The following TEX9 variants were observed in gnomAD, a reference collection of about 807,000 sequenced individuals.
The protein encoded by TEX9 is testis-expressed protein 9.
Under a neutral mutation model 59.6 loss-of-function variants are expected in TEX9, and 74 were observed. The ratio of observed to expected loss-of-function variants is 1.24; its 90% CI spans 1.03 to 1.51. The LOEUF is 1.51. Among genes scored for constraint, TEX9 ranks in the 40% most tolerant of loss-of-function variants. The probability of loss-of-function intolerance (pLI) is 0.00; values close to 1 mark genes in which losing one functional copy is unlikely to be tolerated. For synonymous variants in TEX9, 186 were observed against 152.2 expected (o/e 1.22, Z -1.64); for missense variants, 522 against 447.8 (o/e 1.17, Z -1.49).
upstream of TEX9, among the ~76,000 whole-genome samples, chr15:56,363,255 G>A (rs1054686730): frequency 1.3e-5 from 2 of 150,302 alleles, no homozygotes; most frequent in East Asian, 2.0e-4. Context: ...TCCTCTACAC[G>A]TTATTGTCCA....
intron 1 of TEX9, among the ~76,000 whole-genome samples, chr15:56,331,311 G>A (rs2046136595): frequency 6.6e-6 from 1 of 152,132 alleles, no homozygotes; most frequent in Non-Finnish European, 1.5e-5. Context: ...ACACCTAATA[G>A]ATATTTACAG....
intron 1 of TEX9, among the ~76,000 whole-genome samples, chr15:56,270,558 G>A (rs1477925164): frequency 6.6e-6 from 1 of 152,180 alleles, no homozygotes; most frequent in African/African-American, 2.4e-5. Flanking sequence ...TGTGAATACA[G>A]CACACTGATG....
At chr15:56,385,303 A>G (rs1472598253) in intron 4 of TEX9, among the ~76,000 whole-genome samples, 1 of 152,172 alleles carries the variant, frequency 6.6e-6, no homozygotes, top group Non-Finnish European at 1.5e-5. Context: ...AAGAATTACA[A>G]GGTAAAATTG....
intron 1 of TEX9, among the ~76,000 whole-genome samples, chr15:56,344,619 AGAATTGTTCACTTTAAATGG>A (rs1279199215): frequency 6.6e-6 from 1 of 152,140 alleles, no homozygotes; most frequent in Non-Finnish European, 1.5e-5. Context: ...GAAAAACCAC[AGAATTGTTCACTTTAAATGG>A]GTGAATTGTG....
intron 1 of TEX9, among the ~76,000 whole-genome samples, chr15:56,349,204 A>G (rs1376253387): frequency 6.6e-6 from 1 of 152,134 alleles, no homozygotes; most frequent in Non-Finnish European, 1.5e-5. Flanking sequence ...TGTATCTTAG[A>G]TAATATGAAT....
chr15:56,449,535 TGA>T (rs879753700), downstream of TEX9, among the ~76,000 whole-genome samples: 3 of 152,218 alleles, frequency 2.0e-5, no homozygotes, highest in Non-Finnish European at 4.4e-5. Context: ...GCTAAATTCA[TGA>T]GAGAGATTAG....
At chr15:56,429,159 A>T in intron 12 of TEX9, 2 of 1,602,482 alleles carry the variant, frequency 1.2e-6, no homozygotes, top group Non-Finnish European at 8.5e-7. Context: ...CTCTTCACCA[A>T]GCAGATCAAT....
intron 1 of TEX9, among the ~76,000 whole-genome samples, chr15:56,326,798 CA>C (rs67781979): frequency 0.29 from 44,616 of 151,988 alleles, 7,585 homozygotes; most frequent in Middle Eastern, 0.47. Flanking sequence ...CACTCACATG[CA>C]GAGCTATATT....
In TEX9 at chr15:56,303,713, A is replaced by G. The variant is rs184979134; in HGVS notation, c.-107+59435A>G. Among the ~76,000 whole-genome samples, 9 of 152,308 alleles carry G rather than the reference A, an allele frequency of 5.9e-5. No homozygotes were observed. In the Middle Eastern group the frequency reaches 0.01, roughly 173 times the overall value. ...ATGAAAAGGACAATACAAAAGATCA[A>G]TGAAAGGAAAAGTTGACTTTTTGAA... On this transcript the variant is annotated intron_variant, in intron 1 of 5. Transcript: ENST00000560827.
At chr15:56,246,134 A>G (rs1347308096) in intron 1 of TEX9, among the ~76,000 whole-genome samples, 1 of 152,092 alleles carries the variant, frequency 6.6e-6, no homozygotes, top group Non-Finnish European at 1.5e-5. Flanking sequence ...CCCAAGTGCA[A>G]CTTCTGAGAG....
intron 1 of TEX9, among the ~76,000 whole-genome samples, chr15:56,279,494 A>C (rs2044762457): frequency 6.6e-6 from 1 of 152,250 alleles, no homozygotes. Flanking sequence ...TAGTCAAAGG[A>C]AAGCTAAAAT....
rs373909076 is a variant in TEX9 at position 56,309,327 on chromosome 15, T to A, written c.-106-64114T>A. 5.9e-5 allele frequency among the ~76,000 whole-genome samples: 9 copies of A among 152,314 alleles called. 1 individual carries two copies. In the East Asian group the frequency reaches 9.6e-4, roughly 16 times the overall value. On this transcript the variant is annotated intron_variant, in intron 1 of 5. Transcript: ENST00000560827. The stretch of plus-strand genomic sequence containing the variant: ...TTTATTGAGCTGATTCTGTGGTTTT[T>A]GTATTTTTTAATTCTGTTGGTATTA...
chr15:56,441,774 G>C (rs533668302), intron 12 of TEX9, among the ~76,000 whole-genome samples: 2 of 152,254 alleles, frequency 1.3e-5, no homozygotes, highest in Admixed American at 1.3e-4. Flanking sequence ...CAGCACTTTG[G>C]GAGGCCAAGG....
chr15:56,402,468 C>G (rs1231191310), intron 9 of TEX9, among the ~76,000 whole-genome samples: 3 of 152,134 alleles, frequency 2.0e-5, no homozygotes, highest in African/African-American at 7.2e-5. Flanking sequence ...AGATCAATAA[C>G]AGGCTCTGAA....
intron 1 of TEX9, among the ~76,000 whole-genome samples, chr15:56,265,251 G>C (rs1259483904): frequency 6.7e-6 from 1 of 150,066 alleles, no homozygotes; most frequent in African/African-American, 2.5e-5. Flanking sequence ...CTGTAACCTT[G>C]AACTCCTGGA....
At position 56,313,157 on chromosome 15, in the gene TEX9, C is replaced by T. The variant is rs1260557646; in HGVS notation, c.-106-60284C>T. On this transcript the variant is annotated intron_variant, in intron 1 of 5. Coordinates refer to the TEX9 transcript ENST00000560827. ...GTTATTCCCTTCTTCTGCCTAATTGCCCTGGCCAGAACTTCCAACACTATG... is the reference window on the plus strand; with the variant it reads ...GTTATTCCCTTCTTCTGCCTAATTGTCCTGGCCAGAACTTCCAACACTATG... Among the ~76,000 whole-genome samples, 3 of 151,750 alleles carry T rather than the reference C, an allele frequency of 2.0e-5. No individual in the cohort carries two copies. The East Asian group carries it at 5.8e-4, about 29-fold the overall frequency.
chr15:56,329,232 G>A (rs1211319022), intron 1 of TEX9, among the ~76,000 whole-genome samples: 10 of 152,178 alleles, frequency 6.6e-5, no homozygotes, highest in African/African-American at 2.4e-4. Context: ...AGGGCTTGGA[G>A]TACCCCCTAA....
rs60648387 is a variant in TEX9, at chr15:56,309,693, G to GTTTTTTTTTTTT, written c.-106-63728_-106-63717dup. 1.2e-3 allele frequency among the ~76,000 whole-genome samples: 71 copies of GTTTTTTTTTTTT among 60,780 alleles called. 9 individuals are homozygous for GTTTTTTTTTTTT. The highest frequency in any genetic ancestry group is 3.2e-3 in the African/African-American group (44 of 13,688). 39.9% of individuals were successfully genotyped at this position (60,780 alleles called of 152,430 possible). A position where few individuals can be genotyped will look rare whatever the true frequency, so the allele number is the denominator to read the frequency against. Reference sequence around the variant, plus strand: ...TCTGGGCCTGGGATTTTTATGGGAAGTTTTTTTTTTTTTTTTTTTTTTTTT... The same window carrying GTTTTTTTTTTTT: ...TCTGGGCCTGGGATTTTTATGGGAAGTTTTTTTTTTTTTTTTTTTTTTTTTTTTTTTTTTTTT... On this transcript the variant is annotated intron_variant, in intron 1 of 5. Transcript: ENST00000560827.
intron 1 of TEX9, among the ~76,000 whole-genome samples, chr15:56,313,581 G>A (rs2045679557): frequency 1.5e-5 from 2 of 133,658 alleles, no homozygotes; most frequent in Middle Eastern, 3.7e-3. Flanking sequence ...TTGCATCAAT[G>A]TTCATCAAGG....
Sources: allele counts gnomAD v4.1 joint callset (sites outside exome capture counted in the v4.1 genomes callset), GRCh38; gene constraint gnomAD v4.1.1; transcripts MANE v1.5; gene names NCBI Gene and HGNC (gene_info 2026-07-23, HGNC 2026-07-21).